Variants in EPN2 observed in about 807,000 individuals in gnomAD.
EPN2 encodes epsin 2.
EPN2 carries 34 observed loss-of-function variants against 61.7 expected under a neutral mutation model. That is an observed-to-expected ratio of 0.55 (90% CI 0.42 to 0.73). The LOEUF is 0.73. Among genes scored for constraint, EPN2 ranks in the 30% least tolerant of loss-of-function variants. The probability of loss-of-function intolerance (pLI) is 0.00; values close to 1 mark genes in which losing one functional copy is unlikely to be tolerated. For missense variants in EPN2, 714 were observed against 839.2 expected (o/e 0.85, Z 1.84); for synonymous variants, 349 against 353.6 (o/e 0.99, Z 0.15).
At chr17:19,303,413 G>C (rs535352315) in intron 4 of EPN2, among the ~76,000 whole-genome samples, 2 of 152,304 alleles carry the variant, frequency 1.3e-5, no homozygotes, top group African/African-American at 4.8e-5. Flanking sequence ...TCTGTGTCAT[G>C]GCAGCACGTT....
At chr17:19,311,787 C>T (rs1906148582) in intron 5 of EPN2, among the ~76,000 whole-genome samples, 1 of 152,172 alleles carries the variant, frequency 6.6e-6, no homozygotes, top group Admixed American at 6.5e-5. Context: ...TTAAGCATTC[C>T]CTTTCCCCAG....
intron 4 of EPN2, among the ~76,000 whole-genome samples, chr17:19,299,014 A>G (rs1405642063): frequency 6.6e-6 from 1 of 152,198 alleles, no homozygotes; most frequent in Non-Finnish European, 1.5e-5. Flanking sequence ...TTAGTGGGAA[A>G]AGTGTATGAA....
At chr17:19,310,866 C>T (rs1906103517) in intron 5 of EPN2, among the ~76,000 whole-genome samples, 1 of 152,158 alleles carries the variant, frequency 6.6e-6, no homozygotes, top group Non-Finnish European at 1.5e-5. Flanking sequence ...TCTTGGGCCA[C>T]CGTGCCTGGC....
intron 1 of EPN2, among the ~76,000 whole-genome samples, chr17:19,246,312 A>G (rs80134856): frequency 3.3e-5 from 5 of 152,144 alleles, no homozygotes; most frequent in Admixed American, 3.3e-4. Flanking sequence ...AGCTGAGATC[A>G]TGCCACTGCA....
intron 1 of EPN2, among the ~76,000 whole-genome samples, chr17:19,246,767 C>CTTTTT (rs377094702): frequency 9.1e-6 from 1 of 109,550 alleles, no homozygotes; most frequent in African/African-American, 3.7e-5. Context: ...CCCTGTGTGC[C>CTTTTT]TTTTTTTTTT....
chr17:19,273,659 A>G (rs1329290107), intron 1 of EPN2, among the ~76,000 whole-genome samples: 2 of 152,202 alleles, frequency 1.3e-5, no homozygotes. Context: ...CACCCTGCCC[A>G]GCTGATATAA....
intron 1 of EPN2, among the ~76,000 whole-genome samples, chr17:19,246,496 G>A (rs2044950508): frequency 1.3e-5 from 2 of 152,080 alleles, no homozygotes; most frequent in African/African-American, 4.8e-5. Context: ...TTTTCCCAAG[G>A]TTTGAGCACT....
Position 19,334,206 on chromosome 17 carries a change from C to A in EPN2, c.1878C>A (p.Pro626=). ...MMNMVGSVGI[P]PSAAQATGTT... ...ACATGGTGGGCAGTGTGGGTATACC[C>A]CCATCAGCAGCCCAGGCCACTGGCA... Residue 626 remains proline (P), a synonymous_variant, in exon 11 of 11, where the codon CCC becomes CCA. Coordinates refer to ENST00000314728, the MANE Select transcript of EPN2 (RefSeq NM_014964.5). This position sits in a 1 kb window ranked among gnomAD's most constrained non-coding sequence, Gnocchi z 4.9. 6.5e-7 allele frequency: 1 copy of A among 1,534,318 alleles called. No homozygotes were observed. The highest frequency in any genetic ancestry group is 1.9e-5 in the Admixed American group (1 of 52,992).
At chr17:19,280,647 G>A (rs2045350874) in intron 1 of EPN2, among the ~76,000 whole-genome samples, 1 of 152,148 alleles carries the variant, frequency 6.6e-6, no homozygotes, top group South Asian at 2.1e-4. Flanking sequence ...TTTGTGTGTG[G>A]AAAAATCATA....
intron 1 of EPN2, among the ~76,000 whole-genome samples, chr17:19,252,500 G>T (rs1421649092): frequency 1.3e-5 from 2 of 152,110 alleles, no homozygotes; most frequent in Non-Finnish European, 2.9e-5. Context: ...TACCTCAGAT[G>T]ATTTTAAAGC....
chr17:19,299,659 G>A (rs1325690049), intron 4 of EPN2, among the ~76,000 whole-genome samples: 1 of 152,202 alleles, frequency 6.6e-6, no homozygotes. Flanking sequence ...ATAACAGCCC[G>A]AAGAGAATGG....
rs928205028 is a variant in EPN2 at position 19,309,585 on chromosome 17, C to T, written c.767-300C>T. ...CTTTTTTGGAGCACTGCAGATCTGC[C>T]GTGAAGACTGAGGTTCTGATCCTTG... On this transcript the variant is annotated intron_variant, in intron 4 of 10. Coordinates refer to ENST00000314728, the MANE Select transcript of EPN2 (RefSeq NM_014964.5). 5.9e-5 allele frequency among the ~76,000 whole-genome samples: 9 copies of T among 152,210 alleles called. No homozygotes were observed. The East Asian group carries it at 7.7e-4, about 13-fold the overall frequency.
At position 19,285,892 on chromosome 17, in the gene EPN2, G is replaced by C. The variant is rs1245274446; in HGVS notation, c.766+102G>C. The C allele has an allele frequency of 7.1e-7, 1 of 1,402,164 alleles. No homozygotes were observed. The highest frequency in any genetic ancestry group is 9.3e-7 in the Non-Finnish European group (1 of 1,071,364). 86.9% of individuals were successfully genotyped at this position (1,402,164 alleles called of 1,614,324 possible). ...AGCCAACTCTCTCCCTGTCTCCTCT[G>C]GGCCTGGGGGTTTGGCCTCCAGCAG... is the stretch of plus-strand genomic sequence containing the variant. On this transcript the variant is annotated intron_variant, in intron 4 of 10. Coordinates refer to ENST00000314728, the MANE Select transcript of EPN2 (RefSeq NM_014964.5). This position sits in a 1 kb window ranked among gnomAD's most constrained non-coding sequence, Gnocchi z 4.5.
intron 1 of EPN2, among the ~76,000 whole-genome samples, chr17:19,239,470 G>A (rs2044858715): frequency 6.6e-6 from 1 of 152,172 alleles, no homozygotes; most frequent in Non-Finnish European, 1.5e-5. Context: ...TTATTTATCT[G>A]TATTTTTACT....
rs1907387917 is a variant in EPN2, at chr17:19,335,724, T to G, written c.*1470T>G. 2 of 359,148 alleles carry G rather than the reference T, an allele frequency of 5.6e-6. No individual in the cohort carries two copies. Among genetic ancestry groups the G allele is most frequent in the Non-Finnish European group, 9.9e-6 (2 of 201,266 alleles). The allele number at this position is 359,148 out of a possible 1,614,324, so 22.2% of individuals were successfully genotyped here. On this transcript the variant is annotated 3_prime_UTR_variant, in exon 11 of 11. Transcript: ENST00000314728. The stretch of plus-strand genomic sequence containing the variant: ...AAATAATTCTCTTGTATTTTGGAGA[T>G]GAAGAAAAAAGTCATTCACCTGGGA...
chr17:19,292,816 G>A (rs2045478396), intron 4 of EPN2, among the ~76,000 whole-genome samples: 1 of 152,222 alleles, frequency 6.6e-6, no homozygotes, highest in Admixed American at 6.5e-5. Context: ...TCTCACAGTT[G>A]TCTAGAAGGT....
intron 10 of EPN2, among the ~76,000 whole-genome samples, chr17:19,333,060 A>T (rs1158150678): frequency 6.6e-6 from 1 of 152,178 alleles, no homozygotes; most frequent in Non-Finnish European, 1.5e-5. Flanking sequence ...AGGTCCTGAG[A>T]TGGGTGAGGA....
intron 1 of EPN2, among the ~76,000 whole-genome samples, chr17:19,258,982 A>G (rs1192989024): frequency 6.6e-6 from 1 of 152,238 alleles, no homozygotes; most frequent in Non-Finnish European, 1.5e-5. Flanking sequence ...TATTTAAGAA[A>G]TCCATTTGAT....
intron 4 of EPN2, among the ~76,000 whole-genome samples, chr17:19,301,465 G>A (rs1905514770): frequency 6.6e-6 from 1 of 152,170 alleles, no homozygotes; most frequent in Admixed American, 6.5e-5. Flanking sequence ...GGAACCAGGT[G>A]TCATACATAG....
Sources: allele counts gnomAD v4.1 joint callset (sites outside exome capture counted in the v4.1 genomes callset), GRCh38; gene constraint gnomAD v4.1.1; non-coding constraint Gnocchi (gnomAD v3.1); transcripts MANE v1.5; gene names NCBI Gene and HGNC (gene_info 2026-07-23, HGNC 2026-07-21).